Variants in ITK observed in about 807,000 individuals in gnomAD.
The protein encoded by ITK is tyrosine-protein kinase ITK/TSK.
In ITK, 45 loss-of-function variants were observed where a neutral mutation model predicts 87.6. That is an observed-to-expected ratio of 0.51 (90% confidence interval 0.40 to 0.66). ITK has a LOEUF of 0.66. Among genes scored for constraint, ITK ranks in the 30% least tolerant of loss-of-function variants. The pLI, the probability that ITK is intolerant of heterozygous loss-of-function variation, is 0.00. For missense variants in ITK, 605 were observed against 766.3 expected (o/e 0.79, Z 2.48); for synonymous variants, 303 against 273.6 (o/e 1.11, Z -1.06).
chr5:157,238,044 G>A, intron 8 of ITK, 65 bp from the exon 9 acceptor site: 1 of 1,203,882 alleles, frequency 8.3e-7, no homozygotes, highest in Non-Finnish European at 1.2e-6. Flanking sequence ...GCAAGAAAGT[G>A]GAGCTGGAGG....
intron 1 of ITK, among the ~76,000 whole-genome samples, chr5:157,187,385 G>A (rs999314081): frequency 6.6e-6 from 1 of 152,202 alleles, no homozygotes; most frequent in Non-Finnish European, 1.5e-5. Context: ...GGAATAAAAG[G>A]AGAAAGGGAG....
At chr5:157,229,604 A>C (rs1754608228) in intron 7 of ITK, among the ~76,000 whole-genome samples, 1 of 152,186 alleles carries the variant, frequency 6.6e-6, no homozygotes, top group South Asian at 2.1e-4. Context: ...AGGCTGAGAA[A>C]TTGGTCCACA....
intron 1 of ITK, among the ~76,000 whole-genome samples, chr5:157,181,443 A>G (rs1753514056): frequency 6.6e-6 from 1 of 152,186 alleles, no homozygotes; most frequent in South Asian, 2.1e-4. Flanking sequence ...TGAACTTTCT[A>G]TGAAACATAC....
intron 7 of ITK, among the ~76,000 whole-genome samples, chr5:157,229,162 A>C (rs1335217087): frequency 6.6e-6 from 1 of 152,246 alleles, no homozygotes; most frequent in African/African-American, 2.4e-5. Flanking sequence ...CCAACTAATG[A>C]ATGATAAAGT....
At chr5:157,185,288 G>T (rs1753618646) in intron 1 of ITK, among the ~76,000 whole-genome samples, 2 of 151,264 alleles carry the variant, frequency 1.3e-5, no homozygotes, top group South Asian at 4.2e-4. Flanking sequence ...ACCCAGGCTG[G>T]AGCACAGTGG....
intron 6 of ITK, among the ~76,000 whole-genome samples, chr5:157,227,838 T>C (rs34914982): frequency 0.015 from 2,106 of 139,780 alleles, 14 homozygotes; most frequent in Non-Finnish European, 0.026. Flanking sequence ...TTTTTTTTTT[T>C]TTTTTTTTTT....
At chr5:157,191,835 A>T (rs1395012486) in intron 1 of ITK, among the ~76,000 whole-genome samples, 1 of 152,226 alleles carries the variant, frequency 6.6e-6, no homozygotes, top group African/African-American at 2.4e-5. Flanking sequence ...AAAAAAAAGC[A>T]GTATACATAA....
chr5:157,184,538 C>A (rs1753604294), intron 1 of ITK, among the ~76,000 whole-genome samples: 1 of 152,108 alleles, frequency 6.6e-6, no homozygotes, highest in Admixed American at 6.6e-5. Flanking sequence ...GCCTCAGGCA[C>A]TTTGAGTAAG....
At chr5:157,248,768 C>T (rs1755072091) in intron 15 of ITK, 82 bp from the exon 16 acceptor site, 1 of 1,485,204 alleles carries the variant, frequency 6.7e-7, no homozygotes, top group African/African-American at 1.4e-5. Context: ...TGCAAGGAGT[C>T]TGTAATTTCT....
intron 12 of ITK, 97 bp downstream of exon 12, chr5:157,243,891 T>C: frequency 8.6e-7 from 1 of 1,160,042 alleles, no homozygotes; most frequent in Non-Finnish European, 1.3e-6. Context: ...ACTATCTCCC[T>C]GCGCAAACTC....
intron 5 of ITK, 63 bp from the exon 6 acceptor site, chr5:157,222,800 G>T (rs1456497896): frequency 2.6e-6 from 4 of 1,537,940 alleles, no homozygotes; most frequent in Non-Finnish European, 3.6e-6. Flanking sequence ...ACACCCCGAT[G>T]AAAGGAGGCA....
chr5:157,187,120 C>T (rs184517932), intron 1 of ITK, among the ~76,000 whole-genome samples: 2 of 152,340 alleles, frequency 1.3e-5, no homozygotes, highest in Non-Finnish European at 1.5e-5. Flanking sequence ...GAAAGCCTTC[C>T]TTGATGTCCC....
intron 1 of ITK, among the ~76,000 whole-genome samples, chr5:157,182,610 A>C (rs1490799551): frequency 1.3e-5 from 2 of 152,110 alleles, no homozygotes; most frequent in Admixed American, 1.3e-4. Flanking sequence ...AACTTGGGGG[A>C]TTTATCATGT....
At chr5:157,188,560 A>G (rs1193682107) in intron 1 of ITK, among the ~76,000 whole-genome samples, 1 of 152,188 alleles carries the variant, frequency 6.6e-6, no homozygotes, top group Non-Finnish European at 1.5e-5. Flanking sequence ...CTCAGGATGC[A>G]GGATCTTTGC....
intron 1 of ITK, chr5:157,195,281 T>C (rs1753830923): frequency 6.6e-6 from 1 of 152,202 alleles, no homozygotes; most frequent in Non-Finnish European, 1.5e-5. Context: ...TCACGTTGCT[T>C]TCCAACTGTG....
chr5:157,226,445 A>G (rs35485660), intron 6 of ITK, among the ~76,000 whole-genome samples: 2,488 of 152,362 alleles, frequency 0.016, 29 homozygotes, highest in Non-Finnish European at 0.027. Context: ...TAATTAAGGG[A>G]ATTCCAAGAG....
intron 5 of ITK, among the ~76,000 whole-genome samples, chr5:157,220,399 AC>A (rs1754391169): frequency 6.6e-6 from 1 of 152,008 alleles, no homozygotes; most frequent in African/African-American, 2.4e-5. Flanking sequence ...CTCCCAGTCA[AC>A]CCAGGGCTTG....
At chr5:157,210,807 C>A (rs1038169501) in intron 2 of ITK, among the ~76,000 whole-genome samples, 1 of 148,068 alleles carries the variant, frequency 6.8e-6, no homozygotes, top group African/African-American at 2.5e-5. Context: ...GTTGTGGTTA[C>A]GTAAGATGTC....
At chr5:157,252,282 A>G (rs1755156521) in intron 16 of ITK, among the ~76,000 whole-genome samples, 1 of 151,854 alleles carries the variant, frequency 6.6e-6, no homozygotes, top group African/African-American at 2.4e-5. Context: ...TTTATATGTG[A>G]TTTATTGAAT....
Sources: gnomAD v4.1 joint callset for allele counts (sites outside exome capture counted in the v4.1 genomes callset) on GRCh38, gnomAD v4.1.1 for gene constraint, MANE v1.5 for transcripts, NCBI Gene and HGNC (gene_info 2026-07-23, HGNC 2026-07-21) for gene names.